The following SMARCC1 variants were observed in gnomAD, a reference collection of about 807,000 sequenced individuals.
SMARCC1 encodes the protein SWI/SNF complex subunit SMARCC1.
In SMARCC1, 43 loss-of-function variants were observed where a neutral mutation model predicts 147.4. The ratio of observed to expected loss-of-function variants is 0.29; its 90% CI spans 0.23 to 0.38. The LOEUF (loss-of-function observed/expected upper bound fraction) is 0.38, where lower values mean the gene tolerates loss of function less well. Among genes scored for constraint, SMARCC1 ranks in the 10% least tolerant of loss-of-function variants. The pLI, the probability that SMARCC1 is intolerant of heterozygous loss-of-function variation, is 1.00. For synonymous variants in SMARCC1, 495 were observed against 484.4 expected, an observed-to-expected ratio of 1.02 and a Z score of -0.29; for missense variants, 1,119 against 1,381.1, an observed-to-expected ratio of 0.81 and a Z score of 3.01.
At chr3:47,692,163 A>G (rs2033797339) in intron 12 of SMARCC1, among the ~76,000 whole-genome samples, 1 of 152,258 alleles carries the variant, frequency 6.6e-6, no homozygotes, top group Admixed American at 6.5e-5. Flanking sequence ...TCTCCTTTAC[A>G]AGTGAAGAAA....
At chr3:47,663,818 CG>C in intron 19 of SMARCC1, 5 of 1,583,254 alleles carry the variant, frequency 3.2e-6, no homozygotes, top group Non-Finnish European at 4.3e-6. Flanking sequence ...TTCCTTCCAC[CG>C]GGGCAACAGC....
In SMARCC1 at chr3:47,766,323, T is replaced by C. The variant is rs531717593; in HGVS notation, c.315+6494A>G. On this transcript the variant is annotated intron_variant, in intron 2 of 27. Coordinates refer to ENST00000254480, the MANE Select transcript of SMARCC1 (RefSeq NM_003074.4). Reference sequence around the variant, plus strand: ...GCTCATGTCTGTAAACCCAGGACTTTGGGGGGCCAAGGCGGAAAGACTGCC... The same window carrying C: ...GCTCATGTCTGTAAACCCAGGACTTCGGGGGGCCAAGGCGGAAAGACTGCC... 6.2e-4 allele frequency among the ~76,000 whole-genome samples: 94 copies of C among 150,880 alleles called. 1 individual carries two copies. Among genetic ancestry groups the C allele is most frequent in the South Asian group, 2.9e-3 (14 of 4,784 alleles).
intron 7 of SMARCC1, among the ~76,000 whole-genome samples, chr3:47,719,053 C>A (rs2034198248): frequency 6.6e-6 from 1 of 152,130 alleles, no homozygotes; most frequent in African/African-American, 2.4e-5. Flanking sequence ...GCTGGGACTA[C>A]AGGCACCCAC....
intron 20 of SMARCC1, 102 bp from the exon 21 acceptor site, chr3:47,661,557 G>T: frequency 1.1e-6 from 1 of 890,256 alleles, no homozygotes. Context: ...TATTGTCTTA[G>T]GTGTAGCAAC....
At chr3:47,748,051 G>A (rs1023462946) in intron 2 of SMARCC1, among the ~76,000 whole-genome samples, 4 of 151,836 alleles carry the variant, frequency 2.6e-5, no homozygotes, top group Admixed American at 1.3e-4. Flanking sequence ...CCAGCTACTC[G>A]GGAGGCTGAG....
chr3:47,661,179 G>A, intron 21 of SMARCC1, 115 bp downstream of exon 21: 1 of 892,684 alleles, frequency 1.1e-6, no homozygotes. Flanking sequence ...TAAAAGACAA[G>A]TTTATACTGA....
chr3:47,701,038 TTAATTTTAAAACATTAC>T (rs1453214279), intron 11 of SMARCC1, among the ~76,000 whole-genome samples: 1 of 152,194 alleles, frequency 6.6e-6, no homozygotes, highest in Admixed American at 6.6e-5. Context: ...TTAAAAACCA[TTAATTTTAAAACATTAC>T]TAAATTAAAG....
chr3:47,638,854 G>A (rs1373032955), intron 21 of SMARCC1, 74 bp from the exon 22 acceptor site: 3 of 1,019,452 alleles, frequency 2.9e-6, no homozygotes, highest in African/African-American at 3.2e-5. Flanking sequence ...AGCTGTGAGA[G>A]TGTCTGAAAT....
intron 25 of SMARCC1, among the ~76,000 whole-genome samples, chr3:47,621,416 C>A (rs1298869101): frequency 6.6e-6 from 1 of 151,890 alleles, no homozygotes; most frequent in Non-Finnish European, 1.5e-5. Context: ...AGGTGCCCAT[C>A]AATAGTGGAC....
chr3:47,720,824 T>C lies in SMARCC1; in HGVS notation c.647-89A>G, dbSNP rs116085722. Reference sequence around the variant, plus strand: ...AGCCTTAATTTTTACTAAGATGTTTTAGTTTGCTAACGAACAACATTTTTC... The same window carrying C: ...AGCCTTAATTTTTACTAAGATGTTTCAGTTTGCTAACGAACAACATTTTTC... On this transcript the variant is annotated intron_variant, in intron 6 of 27. Coordinates refer to ENST00000254480, the MANE Select transcript of SMARCC1 (RefSeq NM_003074.4). 522 of 1,050,488 alleles carry C rather than the reference T, an allele frequency of 5.0e-4. 1 individual carries two copies. The African/African-American group carries it at 7.6e-3, about 15-fold the overall frequency. 65.1% of individuals were successfully genotyped at this position (1,050,488 alleles called of 1,614,324 possible).
At chr3:47,694,092 A>G (rs2033820783) in intron 11 of SMARCC1, among the ~76,000 whole-genome samples, 1 of 152,164 alleles carries the variant, frequency 6.6e-6, no homozygotes, top group Admixed American at 6.6e-5. Flanking sequence ...AGAACTTTAA[A>G]TTACATTACA....
chr3:47,700,403 G>A lies in SMARCC1; in HGVS notation c.1165+875C>T, dbSNP rs1380445519. Among the ~76,000 whole-genome samples, 2 of 152,138 alleles carry A rather than the reference G, an allele frequency of 1.3e-5. 1 individual carries two copies. Among genetic ancestry groups the A allele is most frequent in the South Asian group, 4.1e-4 (2 of 4,828 alleles). On this transcript the variant is annotated intron_variant, in intron 11 of 27. Transcript: ENST00000254480. Reference sequence around the variant, plus strand: ...TGCCTATCATAGGTCTTTACTTTTCGAAGTATGCTAGAGCTTATTTTTTGA... The same window carrying A: ...TGCCTATCATAGGTCTTTACTTTTCAAAGTATGCTAGAGCTTATTTTTTGA...
chr3:47,586,614 C>T lies in SMARCC1; in HGVS notation c.*1595G>A, dbSNP rs1245791147. ...CTTTCTGATATTAAGGAAAAAAGTT[C>T]TCAAGTGTTTTATAAACACCTCCCT... On this transcript the variant is annotated 3_prime_UTR_variant, in exon 28 of 28. Coordinates refer to ENST00000254480, the MANE Select transcript of SMARCC1 (RefSeq NM_003074.4). The T allele has an allele frequency of 6.6e-6, 1 of 152,566 alleles. No homozygotes were observed. The highest frequency in any genetic ancestry group is 1.5e-5 in the Non-Finnish European group (1 of 68,032). The allele number at this position is 152,566 out of a possible 1,614,324, so 9.5% of individuals were successfully genotyped here.
chr3:47,741,647 T>G (rs2034511470), intron 3 of SMARCC1, among the ~76,000 whole-genome samples: 1 of 151,880 alleles, frequency 6.6e-6, no homozygotes, highest in Admixed American at 6.6e-5. Flanking sequence ...ATAACAAATA[T>G]ATTTTCCTTT....
At chr3:47,741,240 T>C (rs886153043) in intron 3 of SMARCC1, among the ~76,000 whole-genome samples, 4 of 151,620 alleles carry the variant, frequency 2.6e-5, no homozygotes, top group African/African-American at 9.7e-5. Flanking sequence ...ACTTTAACTT[T>C]TTCGAAGAGA....
intron 1 of SMARCC1, among the ~76,000 whole-genome samples, chr3:47,781,308 AAG>A (rs899744573): frequency 5.9e-5 from 9 of 152,140 alleles, no homozygotes; most frequent in African/African-American, 1.7e-4. Flanking sequence ...CAGCTGACAA[AAG>A]AGAGAGAGTC....
chr3:47,676,164 T>C (rs1176969070), intron 17 of SMARCC1, among the ~76,000 whole-genome samples: 1 of 152,202 alleles, frequency 6.6e-6, no homozygotes, highest in African/African-American at 2.4e-5. Flanking sequence ...TTCCTGTGAA[T>C]CCAACTTAAT....
chr3:47,597,167 A>AAG (rs941561591), intron 26 of SMARCC1, among the ~76,000 whole-genome samples: 65 of 150,148 alleles, frequency 4.3e-4, no homozygotes, highest in South Asian at 1.1e-3. Flanking sequence ...AAAAAAAAAA[A>AAG]AGAGAGAGAG....
intron 26 of SMARCC1, among the ~76,000 whole-genome samples, chr3:47,603,144 G>A (rs1442231818): frequency 6.6e-5 from 10 of 152,200 alleles, no homozygotes; most frequent in East Asian, 1.9e-4. Flanking sequence ...AGATCCCGCC[G>A]GGTGCAGTGG....
Sources: gnomAD v4.1 joint callset for allele counts (sites outside exome capture counted in the v4.1 genomes callset) on GRCh38, gnomAD v4.1.1 for gene constraint, MANE v1.5 for transcripts, NCBI Gene and HGNC (gene_info 2026-07-23, HGNC 2026-07-21) for gene names.